FHOD3: variants seen among roughly 807,000 people sequenced by gnomAD.
FHOD3 encodes formin homology 2 domain containing 3.
In FHOD3, 90 loss-of-function variants were observed where a neutral mutation model predicts 173.0. The ratio of observed to expected loss-of-function variants is 0.52; its 90% CI spans 0.44 to 0.62. The LOEUF (loss-of-function observed/expected upper bound fraction) is 0.62. Among genes scored for constraint, FHOD3 ranks in the 20% least tolerant of loss-of-function variants. FHOD3 has a pLI of 0.00. For synonymous variants in FHOD3, 828 were observed against 823.0 expected (o/e 1.01, Z -0.10); for missense variants, 1,945 against 2,034.7 (o/e 0.96, Z 0.85).
At chr18:36,507,378 G>A (rs1475438612) in intron 4 of FHOD3, among the ~76,000 whole-genome samples, 1 of 152,092 alleles carries the variant, frequency 6.6e-6, no homozygotes, top group Non-Finnish European at 1.5e-5. Flanking sequence ...TGCAGACTTG[G>A]GTTCCATCCT....
intron 5 of FHOD3, among the ~76,000 whole-genome samples, chr18:36,542,384 T>C (rs2147130604): frequency 6.6e-6 from 1 of 152,302 alleles, no homozygotes; most frequent in African/African-American, 2.4e-5. Flanking sequence ...AAAATTACCA[T>C]TAATTTGAGT....
At chr18:36,672,862 T>G (rs986413868) in intron 14 of FHOD3, among the ~76,000 whole-genome samples, 1 of 152,218 alleles carries the variant, frequency 6.6e-6, no homozygotes, top group Admixed American at 6.5e-5. Flanking sequence ...TTAAATTATA[T>G]TTTGAATGGT....
intron 10 of FHOD3, among the ~76,000 whole-genome samples, chr18:36,634,982 A>C (rs1290556427): frequency 2.0e-5 from 3 of 152,196 alleles, no homozygotes; most frequent in Admixed American, 6.5e-5. Context: ...ATGGTAAGTG[A>C]CTTGTTATAA....
In FHOD3 at chr18:36,718,074, G is replaced by A; in HGVS notation, c.2776G>A (p.Val926Met). The A allele has an allele frequency of 6.3e-7, 1 of 1,599,078 alleles. No homozygotes were observed. ...GACCCAGGATGAGAGTGTCAGGAGG[G>A]TGGATGTCGGCTGTTTGGACAATCG... ...SQTQDESVRR[V>M]DVGCLDNRGS... Residue 926 changes from valine (V) to methionine (M), a missense_variant, in exon 19 of 29, where the codon GTG (valine) becomes ATG (methionine). Around this residue, in one of 5 missense-constraint regions of FHOD3, gnomAD observed 1,099 missense variants for 1,051.2 expected, o/e 1.05. Transcript: ENST00000590592.
In FHOD3 at chr18:36,718,051, C is replaced by A. The variant is rs762835524; in HGVS notation, c.2753C>A (p.Thr918Asn). The A allele has an allele frequency of 6.9e-6, 11 of 1,601,328 alleles. No individual in the cohort carries two copies. The highest frequency in any genetic ancestry group is 9.4e-6 in the Non-Finnish European group (11 of 1,173,418). ...TCCACCCTGCAGGCCAACTCTCAGA[C>A]CCAGGATGAGAGTGTCAGGAGGGTG... Reference protein sequence around the residue: ...RISTLQANSQTQDESVRRVDV... With the variant: ...RISTLQANSQNQDESVRRVDV... Residue 918 changes from threonine to asparagine, a missense_variant, in exon 19 of 29, where the codon ACC (threonine) becomes AAC (asparagine). Transcript: ENST00000590592.
intron 27 of FHOD3, 112 bp downstream of exon 27, chr18:36,760,894 G>A (rs1046584089): frequency 3.5e-6 from 4 of 1,135,260 alleles, no homozygotes; most frequent in Non-Finnish European, 3.6e-6. Context: ...CTCGGCTCCA[G>A]TGCCAACCTA....
At chr18:36,331,562 C>T (rs926995267) in intron 1 of FHOD3, among the ~76,000 whole-genome samples, 3 of 152,152 alleles carry the variant, frequency 2.0e-5, no homozygotes, top group Non-Finnish European at 2.9e-5. Context: ...TTAACCTATG[C>T]CAGAAGAGTA....
chr18:36,653,478 A>AT, intron 13 of FHOD3, 62 bp downstream of exon 13: 2 of 1,247,018 alleles, frequency 1.6e-6, no homozygotes, highest in Non-Finnish European at 2.2e-6. Context: ...TAATGTATGC[A>AT]TTTTTCTTTT....
chr18:36,550,543 T>C (rs1254278246), intron 5 of FHOD3, among the ~76,000 whole-genome samples: 2 of 152,038 alleles, frequency 1.3e-5, no homozygotes, highest in East Asian at 1.9e-4. Context: ...TTGGGGAGAA[T>C]TGATATCTTC....
At chr18:36,486,179 C>T (rs1400581399) in intron 3 of FHOD3, among the ~76,000 whole-genome samples, 1 of 152,196 alleles carries the variant, frequency 6.6e-6, no homozygotes. Context: ...CACTGGCTCT[C>T]TCCTGGATGG....
At position 36,769,292 on chromosome 18, in the gene FHOD3, C is replaced by CTGA. The variant is rs1205529021; in HGVS notation, c.4656_4658dup (p.Asp1553dup). On this transcript the variant is annotated inframe_insertion, in exon 28 of 29. Transcript: ENST00000590592. ...TCCACTAGTTCCTGGACTATGGGAA[C>CTGA]TGATGACTCGCCCAATGTCACAGAT... is the stretch of plus-strand genomic sequence containing the variant. 2 of 1,614,088 alleles carry CTGA rather than the reference C, an allele frequency of 1.2e-6. No individual in the cohort carries two copies. Among genetic ancestry groups the CTGA allele is most frequent in the African/African-American group, 2.7e-5 (2 of 74,924 alleles).
chr18:36,601,551 A>G (rs2031384239), intron 7 of FHOD3, among the ~76,000 whole-genome samples: 3 of 152,196 alleles, frequency 2.0e-5, no homozygotes, highest in Admixed American at 2.0e-4. Context: ...CATGGAGATC[A>G]ACAAGACAGA....
intron 5 of FHOD3, among the ~76,000 whole-genome samples, chr18:36,575,863 G>A (rs567698361): frequency 3.3e-5 from 5 of 152,318 alleles, no homozygotes; most frequent in African/African-American, 1.2e-4. Context: ...TTAGGATTTG[G>A]TATGTGACGA....
rs1429220665 is a variant in FHOD3 at position 36,730,788 on chromosome 18, A to G, written c.3560A>G (p.Asn1187Ser). The change falls in exon 20 of 29, where the codon AAC becomes AGC. Residue 1187 changes from asparagine to serine, a missense_variant. This residue lies in a region of FHOD3 where 231 missense variants were observed against 321.9 expected (regional missense o/e 0.72). Coordinates refer to ENST00000590592, the MANE Select transcript of FHOD3 (RefSeq NM_001281740.3). ...AILNFDEYAL[N>S]KEGIEKILTM... Reference sequence around the variant, plus strand: ...TTGAATTTTGATGAGTATGCCTTAAACAAAGAAGGAATCGAGGTGAGGGAA... The same window carrying G: ...TTGAATTTTGATGAGTATGCCTTAAGCAAAGAAGGAATCGAGGTGAGGGAA... 1 of 1,614,028 alleles carries G rather than the reference A, an allele frequency of 6.2e-7. No individual in the cohort carries two copies. The highest frequency in any genetic ancestry group is 1.7e-5 in the Admixed American group (1 of 59,980).
At chr18:36,363,901 G>A (rs143062539) in intron 2 of FHOD3, among the ~76,000 whole-genome samples, 1 of 146,696 alleles carries the variant, frequency 6.8e-6, no homozygotes, top group East Asian at 2.1e-4. Flanking sequence ...GGTGGGGAGG[G>A]GCAGTGTGGA....
intron 3 of FHOD3, among the ~76,000 whole-genome samples, chr18:36,432,600 GC>G (rs2050611061): frequency 6.6e-6 from 1 of 152,142 alleles, no homozygotes; most frequent in African/African-American, 2.4e-5. Flanking sequence ...GTCCAGTTCT[GC>G]CCATTCTTCT....
chr18:36,518,998 AG>A (rs2056135216), intron 5 of FHOD3, among the ~76,000 whole-genome samples: 1 of 152,164 alleles, frequency 6.6e-6, no homozygotes, highest in Admixed American at 6.5e-5. Context: ...TGGGAGGGGA[AG>A]GGAGGCCAAA....
chr18:36,426,184 A>G (rs1030077274), intron 3 of FHOD3, among the ~76,000 whole-genome samples: 1 of 152,168 alleles, frequency 6.6e-6, no homozygotes, highest in East Asian at 1.9e-4. Flanking sequence ...GATTACAGGC[A>G]TGAGCCACCG....
chr18:36,441,870 C>T (rs943511140), intron 3 of FHOD3, among the ~76,000 whole-genome samples: 1 of 152,156 alleles, frequency 6.6e-6, no homozygotes, highest in Non-Finnish European at 1.5e-5. Flanking sequence ...GTTACAGTGA[C>T]ACGTTGCATG....
Sources: gnomAD v4.1 joint callset for allele counts (sites outside exome capture counted in the v4.1 genomes callset) on GRCh38, gnomAD v4.1.1 for gene constraint, gnomAD v4.1.1 regional missense constraint, MANE v1.5 for transcripts, NCBI Gene and HGNC (gene_info 2026-07-23, HGNC 2026-07-21) for gene names.